Variants in GSE1 observed in about 807,000 individuals in gnomAD.
GSE1 encodes the protein Gse1 coiled-coil protein, also known as genetic suppressor element 1.
A neutral mutation model predicts 112.6 loss-of-function variants in GSE1; 32 were observed. The observed-to-expected ratio is 0.28, with a 90% CI of 0.21 to 0.38. The LOEUF (loss-of-function observed/expected upper bound fraction) is 0.38, where lower values mean the gene tolerates loss of function less well. GSE1 is among the 10% of genes least tolerant of loss of function. The pLI is 1.00. For synonymous variants in GSE1, 1,115 were observed against 735.6 expected (o/e 1.52, Z -8.35); for missense variants, 2,348 against 1,699.2 (o/e 1.38, Z -6.71).
At chr16:85,455,189 C>T (rs1773117256) in intron 2 of GSE1, among the ~76,000 whole-genome samples, 1 of 152,186 alleles carries the variant, frequency 6.6e-6, no homozygotes, top group South Asian at 2.1e-4. Context: ...CCAAGGTGAC[C>T]CAGGGTCCCT....
rs747728586 is a variant in GSE1, at chr16:85,672,710, G to T, written c.*171G>T. On this transcript the variant is annotated 3_prime_UTR_variant, in exon 16 of 16. Coordinates refer to ENST00000253458, the MANE Select transcript of GSE1 (RefSeq NM_014615.5). ...AAAAAATGAATGAACTCACCTTGAC[G>T]TCAATGCAATTGAATCACCGTTGTC... is the stretch of plus-strand genomic sequence containing the variant. The T allele has an allele frequency of 6.7e-6, 3 of 446,624 alleles. No individual in the cohort carries two copies. The highest frequency in any genetic ancestry group is 5.8e-4 in the Middle Eastern group (1 of 1,726). The allele number at this position is 446,624 out of a possible 1,614,324, so 27.7% of individuals were successfully genotyped here.
At chr16:85,639,859 A>G (rs1035231552) in intron 2 of GSE1, among the ~76,000 whole-genome samples, 30 of 152,218 alleles carry the variant, frequency 2.0e-4, no homozygotes, top group Non-Finnish European at 4.1e-4. Context: ...GCAGGGACGC[A>G]GCGCCCGTCT....
intron 1 of GSE1, among the ~76,000 whole-genome samples, chr16:85,606,355 G>A (rs1215760568): frequency 3.3e-5 from 5 of 152,226 alleles, no homozygotes; most frequent in Non-Finnish European, 7.3e-5. Context: ...AAGGCAGGGC[G>A]GACTTCTCCG....
intron 2 of GSE1, among the ~76,000 whole-genome samples, chr16:85,504,358 T>C (rs988766665): frequency 6.6e-6 from 1 of 152,248 alleles, no homozygotes; most frequent in Non-Finnish European, 1.5e-5. Context: ...TGTGGAGCCC[T>C]GATCTGGAAA....
chr16:85,398,700 T>C (rs142747797), intron 2 of GSE1, among the ~76,000 whole-genome samples: 2 of 152,238 alleles, frequency 1.3e-5, no homozygotes, highest in Non-Finnish European at 2.9e-5. Context: ...GCTACAACTT[T>C]AGTGTCAGAG....
chr16:85,245,781 C>T (rs909919897), intron 1 of GSE1, among the ~76,000 whole-genome samples: 1 of 152,042 alleles, frequency 6.6e-6, no homozygotes, highest in Admixed American at 6.6e-5. Context: ...GGTGCCTTGT[C>T]CAGCTCTGGC....
chr16:85,425,143 T>C (rs1011171616), intron 2 of GSE1, among the ~76,000 whole-genome samples: 3 of 152,220 alleles, frequency 2.0e-5, no homozygotes, highest in African/African-American at 7.2e-5. Flanking sequence ...GCCACTTGCA[T>C]CCCTGGCTGT....
intron 1 of GSE1, among the ~76,000 whole-genome samples, chr16:85,264,644 G>T (rs1275965880): frequency 6.6e-6 from 1 of 152,186 alleles, no homozygotes; most frequent in Non-Finnish European, 1.5e-5. Flanking sequence ...TCCCCCTGTG[G>T]ACGGCGTCGG....
chr16:85,638,113 G>A (rs2050151986), intron 2 of GSE1, among the ~76,000 whole-genome samples: 1 of 152,188 alleles, frequency 6.6e-6, no homozygotes, highest in South Asian at 2.1e-4. Context: ...GTGCACGCCT[G>A]ACGACTTCTG....
chr16:85,338,716 G>A (rs771007484), intron 1 of GSE1, among the ~76,000 whole-genome samples: 1 of 152,204 alleles, frequency 6.6e-6, no homozygotes, highest in Non-Finnish European at 1.5e-5. Flanking sequence ...CCCCCTGTGA[G>A]GTAGCTAGTA....
chr16:85,411,027 T>C (rs2048522586), intron 2 of GSE1, among the ~76,000 whole-genome samples: 1 of 59,262 alleles, frequency 1.7e-5, no homozygotes, highest in African/African-American at 1.1e-4. Flanking sequence ...CCCTGGATAA[T>C]CCTCACTGTT....
chr16:85,381,666 G>C (rs1399148673), intron 2 of GSE1, among the ~76,000 whole-genome samples: 1 of 152,260 alleles, frequency 6.6e-6, no homozygotes. Flanking sequence ...GCCAGATGCT[G>C]CTGGCTTTCA....
At chr16:85,334,592 T>C (rs1049998772) in intron 1 of GSE1, among the ~76,000 whole-genome samples, 1 of 152,176 alleles carries the variant, frequency 6.6e-6, no homozygotes, top group Non-Finnish European at 1.5e-5. Context: ...GCATTGACTT[T>C]TGGGGACGCT....
At chr16:85,337,292 T>TTTTTC (rs1268573261) in intron 1 of GSE1, among the ~76,000 whole-genome samples, 4 of 151,190 alleles carry the variant, frequency 2.6e-5, no homozygotes, top group Admixed American at 6.6e-5. Flanking sequence ...AGGACTTTTT[T>TTTTTC]TTTTCTTTTC....
At chr16:85,170,154 C>T in exon 1 of GSE1, 1 of 985,286 alleles carries the variant, frequency 1.0e-6, no homozygotes, top group Non-Finnish European at 1.2e-6. Context: ...GGGGGCGCGG[C>T]CAGGAGTGGA....
intron 1 of GSE1, among the ~76,000 whole-genome samples, chr16:85,576,667 C>T (rs2046239860): frequency 6.6e-6 from 1 of 152,166 alleles, no homozygotes; most frequent in Non-Finnish European, 1.5e-5. Flanking sequence ...TGAAGGGTCA[C>T]CTATTCTTGA....
At chr16:85,647,366 C>T (rs934930705) in intron 2 of GSE1, among the ~76,000 whole-genome samples, 3 of 152,206 alleles carry the variant, frequency 2.0e-5, no homozygotes, top group African/African-American at 4.8e-5. Flanking sequence ...CGGGGTAGGT[C>T]GTGGTGGTGG....
chr16:85,669,294 C>G (rs534551659), intron 14 of GSE1, among the ~76,000 whole-genome samples: 1 of 152,252 alleles, frequency 6.6e-6, no homozygotes, highest in African/African-American at 2.4e-5. Flanking sequence ...TTTAACATGT[C>G]CTAGAGGACT....
intron 1 of GSE1, among the ~76,000 whole-genome samples, chr16:85,280,930 C>G (rs1033280141): frequency 6.6e-6 from 1 of 152,162 alleles, no homozygotes; most frequent in African/African-American, 2.4e-5. Flanking sequence ...GAATTGGAAC[C>G]AGGTCCTGGC....
Sources: allele counts gnomAD v4.1 joint callset (sites outside exome capture counted in the v4.1 genomes callset), GRCh38; gene constraint gnomAD v4.1.1; transcripts MANE v1.5; gene names NCBI Gene and HGNC (gene_info 2026-07-23, HGNC 2026-07-21).